R3HCC1L: variants seen among roughly 807,000 people sequenced by gnomAD.
The protein encoded by R3HCC1L is R3H domain and coiled-coil containing 1 like, also known as coiled-coil domain-containing protein R3HCC1L.
In R3HCC1L, 51 loss-of-function variants were observed where a neutral mutation model predicts 59.9. The ratio of observed to expected loss-of-function variants is 0.85; its 90% confidence interval spans 0.68 to 1.07. The LOEUF is 1.07. R3HCC1L is among the 50% of genes least tolerant of loss of function. R3HCC1L has a pLI of 0.00. For synonymous variants in R3HCC1L, 322 were observed against 315.2 expected, an observed-to-expected ratio of 1.02 and a Z score of -0.23; for missense variants, 965 against 933.0, an observed-to-expected ratio of 1.03 and a Z score of -0.45.
At chr10:98,230,499 A>G (rs1404166065) in intron 5 of R3HCC1L, among the ~76,000 whole-genome samples, 1 of 151,838 alleles carries the variant, frequency 6.6e-6, no homozygotes, top group Non-Finnish European at 1.5e-5. Flanking sequence ...GTGGTCTATC[A>G]ATTTTGTTGA....
intron 2 of R3HCC1L, among the ~76,000 whole-genome samples, chr10:98,160,556 CTTGG>C (rs1847315230): frequency 6.6e-6 from 1 of 152,146 alleles, no homozygotes; most frequent in Non-Finnish European, 1.5e-5. Context: ...TCAAAAGTTA[CTTGG>C]ATTAATTTTC....
intron 6 of R3HCC1L, 95 bp downstream of exon 6, chr10:98,231,782 T>G: frequency 7.8e-7 from 1 of 1,276,594 alleles, no homozygotes; most frequent in Non-Finnish European, 1.1e-6. Context: ...TTATATCCCG[T>G]TTTTCATATT....
At chr10:98,195,559 G>A (rs1851335116) in intron 4 of R3HCC1L, among the ~76,000 whole-genome samples, 1 of 149,506 alleles carries the variant, frequency 6.7e-6, no homozygotes, top group South Asian at 2.1e-4. Context: ...TTGCTTTTAG[G>A]TTTATTGTAA....
At chr10:98,231,759 C>A in intron 6 of R3HCC1L, 72 bp downstream of exon 6, 1 of 1,395,266 alleles carries the variant, frequency 7.2e-7, no homozygotes, top group South Asian at 1.4e-5. Context: ...TCTGAGAAAT[C>A]ATCTCTTGTT....
At chr10:98,214,568 A>T (rs1003084279) in intron 5 of R3HCC1L, among the ~76,000 whole-genome samples, 1 of 152,132 alleles carries the variant, frequency 6.6e-6, no homozygotes, top group African/African-American at 2.4e-5. Context: ...CACACCACCA[A>T]CTTGTGCCCA....
chr10:98,149,109 C>T (rs774546942), intron 1 of R3HCC1L, among the ~76,000 whole-genome samples: 9 of 152,004 alleles, frequency 5.9e-5, no homozygotes, highest in Non-Finnish European at 1.2e-4. Context: ...TGTATGTGTC[C>T]AGGAATTTAT....
chr10:98,230,431 C>T (rs1856233458), intron 5 of R3HCC1L, among the ~76,000 whole-genome samples: 1 of 151,866 alleles, frequency 6.6e-6, no homozygotes, highest in African/African-American at 2.4e-5. Context: ...GGTGATATCC[C>T]CTTTATCATT....
intron 5 of R3HCC1L, among the ~76,000 whole-genome samples, chr10:98,215,404 AT>A (rs67887074): frequency 0.21 from 31,505 of 151,796 alleles, 3,294 homozygotes; most frequent in Non-Finnish European, 0.23. Flanking sequence ...TTAGACATAA[AT>A]TTTTTTTTAT....
At chr10:98,147,062 C>A (rs142428330) in intron 1 of R3HCC1L, among the ~76,000 whole-genome samples, 102 of 152,248 alleles carry the variant, frequency 6.7e-4, no homozygotes, top group African/African-American at 2.1e-3. Flanking sequence ...ATATCCTCAC[C>A]AGCATCTGTT....
intron 4 of R3HCC1L, among the ~76,000 whole-genome samples, chr10:98,206,381 T>G (rs963252795): frequency 6.6e-5 from 10 of 151,904 alleles, no homozygotes; most frequent in African/African-American, 2.4e-4. Context: ...GCTTTAAACC[T>G]TCATATTGCT....
At chr10:98,231,836 A>G in intron 6 of R3HCC1L, 149 bp downstream of exon 6, 1 of 839,662 alleles carries the variant, frequency 1.2e-6, no homozygotes, top group Non-Finnish European at 1.8e-6. Flanking sequence ...TCCAGTAGAA[A>G]TTTTCTATAT....
At chr10:98,166,951 C>T (rs1420509513) in intron 4 of R3HCC1L, among the ~76,000 whole-genome samples, 1 of 152,104 alleles carries the variant, frequency 6.6e-6, no homozygotes, top group Non-Finnish European at 1.5e-5. Context: ...AGGCGTGAGC[C>T]ACCGCGCCTG....
At chr10:98,235,829 A>C (rs1225636053) in intron 8 of R3HCC1L, among the ~76,000 whole-genome samples, 195 bp from the exon 9 acceptor site, 1 of 152,206 alleles carries the variant, frequency 6.6e-6, no homozygotes, top group Non-Finnish European at 1.5e-5. Flanking sequence ...TTGTTAATGC[A>C]GATAATGAAG....
rs1322511799 is a variant in R3HCC1L, at chr10:98,231,613, A to C, written c.1887A>C (p.Pro629=). 1.2e-6 allele frequency: 2 copies of C among 1,612,682 alleles called. No homozygotes were observed. Among genetic ancestry groups the C allele is most frequent in the South Asian group, 2.2e-5 (2 of 90,982 alleles). ...PDIDLSDCEF[P]HVIEIYDFPQ... is the part of the protein sequence containing the mutation. ...TTGACCTCAGTGATTGTGAATTCCC[A>C]CATGTCATTGAAATTTATGACTTTC... Residue 629 remains proline, a synonymous_variant, in exon 6 of 10, where the codon CCA becomes CCC. Transcript: ENST00000298999.
At chr10:98,170,485 T>G (rs1479668612) in intron 4 of R3HCC1L, among the ~76,000 whole-genome samples, 5 of 152,136 alleles carry the variant, frequency 3.3e-5, no homozygotes, top group Non-Finnish European at 7.4e-5. Context: ...TCCCAGCTAA[T>G]TTTTTATCTT....
chr10:98,152,879 A>T (rs1488715820), intron 1 of R3HCC1L, among the ~76,000 whole-genome samples: 4 of 148,438 alleles, frequency 2.7e-5, no homozygotes, highest in African/African-American at 7.6e-5. Context: ...CCCGGCAGCC[A>T]CCCCGTCCGG....
chr10:98,182,953 C>T (rs957876846), intron 4 of R3HCC1L, among the ~76,000 whole-genome samples: 6 of 152,138 alleles, frequency 3.9e-5, no homozygotes, highest in African/African-American at 1.4e-4. Flanking sequence ...TCATGGCTTC[C>T]CTTGGCTAGG....
chr10:98,204,233 AC>A lies in R3HCC1L; in HGVS notation c.-14-3864del, dbSNP rs544708223. Among the ~76,000 whole-genome samples, 146 of 152,068 alleles carry A rather than the reference AC, an allele frequency of 9.6e-4. 1 individual carries two copies. Among genetic ancestry groups the A allele is most frequent in the Non-Finnish European group, 4.7e-4 (32 of 67,970 alleles). Reference sequence around the variant, plus strand: ...AGACCAGCCTGACCAACATAGAGAAACCCCATGTCTACTTAAAACACAAAAT... The same window carrying A: ...AGACCAGCCTGACCAACATAGAGAAACCCATGTCTACTTAAAACACAAAAT... On this transcript the variant is annotated intron_variant, in intron 4 of 9. Transcript: ENST00000298999.
chr10:98,151,617 A>C (rs1846167272), intron 1 of R3HCC1L, among the ~76,000 whole-genome samples: 1 of 152,212 alleles, frequency 6.6e-6, no homozygotes, highest in African/African-American at 2.4e-5. Flanking sequence ...ATTGGAGCTC[A>C]ATAGATGAGA....
Sources: allele counts gnomAD v4.1 joint callset (sites outside exome capture counted in the v4.1 genomes callset), GRCh38; gene constraint gnomAD v4.1.1; transcripts MANE v1.5; gene names NCBI Gene and HGNC (gene_info 2026-07-23, HGNC 2026-07-21).